TMEM132D: variants seen among roughly 807,000 people sequenced by gnomAD.
TMEM132D encodes the protein mature OL transmembrane protein.
A neutral mutation model predicts 62.3 loss-of-function variants in TMEM132D; 21 were observed. That is an observed-to-expected ratio of 0.34 (90% confidence interval 0.24 to 0.49). The LOEUF is 0.49. Ranked by LOEUF, TMEM132D falls within the 20% of genes least tolerant of loss-of-function variation. The probability of loss-of-function intolerance (pLI) is 0.99; values close to 1 mark genes in which losing one functional copy is unlikely to be tolerated. For synonymous variants in TMEM132D, 621 were observed against 575.6 expected (o/e 1.08, Z -1.13); for missense variants, 1,346 against 1,402.8 (o/e 0.96, Z 0.65).
intron 2 of TMEM132D, among the ~76,000 whole-genome samples, chr12:129,688,609 A>G (rs1185963050): frequency 1.3e-5 from 2 of 152,038 alleles, no homozygotes; most frequent in Non-Finnish European, 2.9e-5. Context: ...TCTCTGACCC[A>G]ATGCTAAATG....
chr12:129,365,679 A>G (rs1476319536), intron 3 of TMEM132D, among the ~76,000 whole-genome samples: 1 of 152,142 alleles, frequency 6.6e-6, no homozygotes, highest in African/African-American at 2.4e-5. Context: ...ACTGCGTGTA[A>G]GAGGATCCCA....
chr12:129,747,516 A>T (rs374741031), intron 1 of TMEM132D, among the ~76,000 whole-genome samples: 4 of 149,574 alleles, frequency 2.7e-5, no homozygotes, highest in South Asian at 2.1e-4. Flanking sequence ...ACACACACAC[A>T]CTCTCACACA....
chr12:129,677,530 C>G (rs1288402674), intron 2 of TMEM132D, among the ~76,000 whole-genome samples: 3 of 152,218 alleles, frequency 2.0e-5, no homozygotes, highest in African/African-American at 7.2e-5. Context: ...ATTTCTATCT[C>G]TGGTAAGTGA....
At chr12:129,831,254 A>G (rs1297291104) in intron 1 of TMEM132D, among the ~76,000 whole-genome samples, 1 of 152,246 alleles carries the variant, frequency 6.6e-6, no homozygotes, top group East Asian at 1.9e-4. Flanking sequence ...TACCCACAGA[A>G]GAGAGAACAG....
chr12:129,265,999 T>C (rs1173783534), intron 4 of TMEM132D, among the ~76,000 whole-genome samples: 1 of 152,122 alleles, frequency 6.6e-6, no homozygotes, highest in East Asian at 1.9e-4. Context: ...ATGTAGTAGG[T>C]GCCCAATAAA....
At chr12:129,321,619 C>T (rs1198380018) in intron 4 of TMEM132D, among the ~76,000 whole-genome samples, 3 of 151,886 alleles carry the variant, frequency 2.0e-5, no homozygotes, top group Non-Finnish European at 4.4e-5. Context: ...TGCAGTGGCG[C>T]GATCTCAGCT....
chr12:129,326,736 T>C (rs1868925670), intron 4 of TMEM132D, among the ~76,000 whole-genome samples: 1 of 152,208 alleles, frequency 6.6e-6, no homozygotes, highest in African/African-American at 2.4e-5. Context: ...ATAACAAATA[T>C]TTATGTAACA....
At chr12:129,155,226 G>A (rs1249081744) in intron 5 of TMEM132D, among the ~76,000 whole-genome samples, 3 of 152,272 alleles carry the variant, frequency 2.0e-5, no homozygotes, top group Admixed American at 6.5e-5. Flanking sequence ...AGCATCTCTG[G>A]CATTCAATTT....
intron 3 of TMEM132D, among the ~76,000 whole-genome samples, chr12:129,463,674 T>C (rs1438133539): frequency 2.0e-5 from 3 of 151,646 alleles, no homozygotes; most frequent in Admixed American, 1.3e-4. Context: ...CCTTCCTGTG[T>C]CCATGTGTTC....
intron 1 of TMEM132D, among the ~76,000 whole-genome samples, chr12:129,846,828 C>A (rs961403874): frequency 1.3e-5 from 2 of 152,146 alleles, no homozygotes; most frequent in African/African-American, 4.8e-5. Context: ...TAATTTCCTG[C>A]TAATCTTGTC....
intron 4 of TMEM132D, among the ~76,000 whole-genome samples, chr12:129,251,311 A>G (rs914055621): frequency 4.3e-5 from 6 of 139,902 alleles, no homozygotes; most frequent in African/African-American, 1.6e-4. Context: ...GTGAGCCGAG[A>G]TTGCACCGCT....
At chr12:129,295,277 G>A (rs73148866) in intron 4 of TMEM132D, among the ~76,000 whole-genome samples, 4,529 of 152,010 alleles carry the variant, frequency 0.03, 219 homozygotes, top group East Asian at 0.23. Context: ...GAACACTGCC[G>A]GCTACACACT....
At chr12:129,723,884 G>C (rs1868932745) in intron 1 of TMEM132D, among the ~76,000 whole-genome samples, 1 of 152,192 alleles carries the variant, frequency 6.6e-6, no homozygotes, top group Non-Finnish European at 1.5e-5. Flanking sequence ...AGTGTGCCAA[G>C]CTGCATAACG....
chr12:129,141,423 A>C (rs914165233), intron 5 of TMEM132D, among the ~76,000 whole-genome samples: 1 of 152,228 alleles, frequency 6.6e-6, no homozygotes, highest in African/African-American at 2.4e-5. Context: ...AAGTGAAAAA[A>C]TAGATGAACA....
chr12:129,551,073 G>A (rs948518368), intron 2 of TMEM132D, among the ~76,000 whole-genome samples: 1 of 152,208 alleles, frequency 6.6e-6, no homozygotes, highest in African/African-American at 2.4e-5. Flanking sequence ...GGGGGTCCCA[G>A]GCAAGAGCCA....
chr12:129,848,044 A>G (rs1873419602), intron 1 of TMEM132D, among the ~76,000 whole-genome samples: 1 of 152,168 alleles, frequency 6.6e-6, no homozygotes, highest in Admixed American at 6.5e-5. Context: ...GTTGTGGTTT[A>G]GCAATGACTT....
intron 1 of TMEM132D, among the ~76,000 whole-genome samples, chr12:129,839,518 C>T (rs181144532): frequency 2.4e-4 from 37 of 152,232 alleles, no homozygotes; most frequent in African/African-American, 7.0e-4. Context: ...CTGCCTCAGC[C>T]TCCCAAAGTG....
At chr12:129,586,879 A>G (rs1177483597) in intron 2 of TMEM132D, among the ~76,000 whole-genome samples, 1 of 152,194 alleles carries the variant, frequency 6.6e-6, no homozygotes, top group Non-Finnish European at 1.5e-5. Flanking sequence ...GTAAATGGCT[A>G]TACATGTTAA....
At chr12:129,480,796 A>G (rs1656068199) in intron 3 of TMEM132D, among the ~76,000 whole-genome samples, 1 of 152,168 alleles carries the variant, frequency 6.6e-6, no homozygotes, top group African/African-American at 2.4e-5. Flanking sequence ...AACTTGCTCG[A>G]ATGAAGTGCA....
Sources: allele counts gnomAD v4.1 joint callset (sites outside exome capture counted in the v4.1 genomes callset), GRCh38; gene constraint gnomAD v4.1.1; transcripts MANE v1.5; gene names NCBI Gene and HGNC (gene_info 2026-07-23, HGNC 2026-07-21).